The following CACTIN variants were observed in gnomAD, a reference collection of about 807,000 sequenced individuals.
CACTIN encodes the protein cactin, spliceosome C complex subunit.
In CACTIN, 20 loss-of-function variants were observed where a neutral mutation model predicts 84.9. The ratio of observed to expected loss-of-function variants is 0.24; its 90% CI spans 0.17 to 0.34. The LOEUF (loss-of-function observed/expected upper bound fraction) is 0.34, where lower values mean the gene tolerates loss of function less well. Ranked by LOEUF, CACTIN falls within the 10% of genes least tolerant of loss-of-function variation. The pLI is 1.00. For synonymous variants in CACTIN, 549 were observed against 467.9 expected, an observed-to-expected ratio of 1.17 and a Z score of -2.24; for missense variants, 897 against 1,117.2, an observed-to-expected ratio of 0.80 and a Z score of 2.81.
chr19:3,620,138 C>T lies in CACTIN; in HGVS notation c.873G>A (p.Gln291=), dbSNP rs1436340677. Residue 291 remains glutamine (Q), a synonymous_variant, in exon 4 of 10, where the codon CAG becomes CAA. Transcript: ENST00000429344. ...EEQEDNFHLQ[Q]AKLRSKIRIR... ...AGGCCCCAGCGCACCGCAGCTTGGC[C>T]TGCTGGAGGTGGAAGTTGTCCTCCT... 6 of 1,611,228 alleles carry T rather than the reference C, an allele frequency of 3.7e-6. No homozygotes were observed. Among genetic ancestry groups the T allele is most frequent in the East Asian group, 2.2e-5 (1 of 44,888 alleles).
chr19:3,620,557 TG>T, intron 3 of CACTIN, 149 bp downstream of exon 3: 2 of 670,830 alleles, frequency 3.0e-6, no homozygotes, highest in Non-Finnish European at 5.0e-6. Context: ...AACAGTTTCC[TG>T]GGGCCATGGT....
At chr19:3,619,351 C>T (rs138970004) in intron 4 of CACTIN, 109 bp from the exon 5 acceptor site, 16 of 1,331,638 alleles carry the variant, frequency 1.2e-5, no homozygotes, top group East Asian at 9.8e-5. Flanking sequence ...GGGCCTGACC[C>T]GTTGGGGGTG....
intron 6 of CACTIN, among the ~76,000 whole-genome samples, chr19:3,617,160 T>TC (rs1198288077): frequency 6.6e-6 from 1 of 152,080 alleles, no homozygotes; most frequent in Non-Finnish European, 1.5e-5. Context: ...GCGCCTGTAG[T>TC]CCCAGCTTCT....
In CACTIN at chr19:3,615,060, G is replaced by A. The variant is rs2033073490; in HGVS notation, c.1163-471C>T. 2 of 206,222 alleles carry A rather than the reference G, an allele frequency of 9.7e-6. No individual in the cohort carries two copies. The highest frequency in any genetic ancestry group is 8.6e-5 in the South Asian group (1 of 11,644). 12.8% of individuals were successfully genotyped at this position (206,222 alleles called of 1,614,324 possible). ...GCCAGCCTGGGCTGTGTGACTGTGGGCAAGTGGCCTGCCCTTTCTGGGCCT... is the reference window on the plus strand; with the variant it reads ...GCCAGCCTGGGCTGTGTGACTGTGGACAAGTGGCCTGCCCTTTCTGGGCCT... On this transcript the variant is annotated intron_variant, in intron 6 of 9. Coordinates refer to ENST00000429344, the MANE Select transcript of CACTIN (RefSeq NM_001080543.2). This position sits in a 1 kb window ranked among gnomAD's most constrained non-coding sequence, Gnocchi z 5.2.
At chr19:3,619,339 A>T in intron 4 of CACTIN, 97 bp from the exon 5 acceptor site, 1 of 1,439,712 alleles carries the variant, frequency 6.9e-7, no homozygotes. Context: ...GGAGCCGAGG[A>T]GGGGCCTGAC....
chr19:3,614,193 T>C (rs2033051686), intron 7 of CACTIN, among the ~76,000 whole-genome samples: 1 of 152,064 alleles, frequency 6.6e-6, no homozygotes, highest in South Asian at 2.1e-4. Context: ...TCCTGGGGCC[T>C]TCCCGCTAGG....
chr19:3,619,417 G>C (rs77831925), intron 4 of CACTIN, among the ~76,000 whole-genome samples, 175 bp from the exon 5 acceptor site: 1 of 152,334 alleles, frequency 6.6e-6, no homozygotes, highest in East Asian at 1.9e-4. Context: ...AGAGTGAGCC[G>C]GGTCAGCCAA....
intron 4 of CACTIN, 52 bp from the exon 5 acceptor site, chr19:3,619,294 C>A: frequency 6.3e-7 from 1 of 1,581,016 alleles, no homozygotes; most frequent in Non-Finnish European, 8.6e-7. Flanking sequence ...GCCCTCCATG[C>A]TAAAGACCCT....
rs543539872 is a variant in CACTIN at position 3,613,444 on chromosome 19, G to A, written c.1478+20C>T. On this transcript the variant is annotated intron_variant, in intron 8 of 9. Transcript: ENST00000429344. Reference sequence around the variant, plus strand: ...GCTCCGCGTCTGCATCGGCGTCCCCGGGGTGCCGGCCGGGCCTACCTGCGG... The same window carrying A: ...GCTCCGCGTCTGCATCGGCGTCCCCAGGGTGCCGGCCGGGCCTACCTGCGG... The A allele has an allele frequency of 1.0e-4, 164 of 1,562,788 alleles. No individual in the cohort carries two copies. In the South Asian group the frequency reaches 1.8e-3, roughly 17 times the overall value.
In CACTIN at chr19:3,614,561, G is replaced by A. The variant is rs752536273; in HGVS notation, c.1191C>T (p.Ser397=). Residue 397 remains serine (S), a synonymous_variant, in exon 7 of 10, where the codon TCC becomes TCT. Transcript: ENST00000429344. ...PGERREGVNA[S]VSSDVQSVFK... ...ACACCGACTGCACATCAGAGCTGACGGAGGCGTTGACCCCCTCGCGGCGCT... is the reference window on the plus strand; with the variant it reads ...ACACCGACTGCACATCAGAGCTGACAGAGGCGTTGACCCCCTCGCGGCGCT... 2.4e-5 allele frequency: 38 copies of A among 1,607,282 alleles called. No homozygotes were observed. The highest frequency in any genetic ancestry group is 1.1e-4 in the East Asian group (5 of 44,600).
intron 2 of CACTIN, among the ~76,000 whole-genome samples, chr19:3,622,104 A>G (rs1426813496): frequency 6.6e-6 from 1 of 152,082 alleles, no homozygotes; most frequent in Non-Finnish European, 1.5e-5. Flanking sequence ...GGTGGCTGAC[A>G]CCTGTAATCC....
rs779261717 is a variant in CACTIN, at chr19:3,613,182, G to A, written c.1662C>T (p.Tyr554=). The change falls in exon 9 of 10, where the codon TAC becomes TAT. Residue 554 remains tyrosine, a synonymous_variant. Coordinates refer to ENST00000429344, the MANE Select transcript of CACTIN (RefSeq NM_001080543.2). The stretch of plus-strand genomic sequence containing the variant: ...GCCGCGGGCTGTACCTGCCGGCGTC[G>A]TAGTCGTCCAGGCTCTGCTGGATCA... ...EDLIQQSLDD[Y]DAGRYSPRLL... The A allele has an allele frequency of 9.9e-6, 16 of 1,611,228 alleles. No homozygotes were observed. The highest frequency in any genetic ancestry group is 1.3e-5 in the Non-Finnish European group (15 of 1,179,382).
At chr19:3,624,826 G>A (rs562753025) in intron 1 of CACTIN, among the ~76,000 whole-genome samples, 2 of 152,200 alleles carry the variant, frequency 1.3e-5, no homozygotes, top group East Asian at 3.9e-4. Context: ...CCTCAGGGGT[G>A]GTTCAGGGGC....
At chr19:3,621,179 G>A (rs73920182) in intron 2 of CACTIN, among the ~76,000 whole-genome samples, 4,748 of 152,282 alleles carry the variant, frequency 0.031, 139 homozygotes, top group African/African-American at 0.078. Context: ...TGAGTGCTTC[G>A]GACGTGAAGG....
At chr19:3,620,409 G>A in intron 3 of CACTIN, 137 bp from the exon 4 acceptor site, 1 of 1,031,204 alleles carries the variant, frequency 9.7e-7, no homozygotes, top group Non-Finnish European at 1.5e-6. Context: ...GCCTGGGCTG[G>A]TGGACAGACC....
Position 3,614,579 on chromosome 19 carries a change from G to T in CACTIN, c.1173C>A (p.Arg391=), listed in dbSNP as rs756079941. 1 of 1,602,140 alleles carries T rather than the reference G, an allele frequency of 6.2e-7. No homozygotes were observed. Residue 391 remains arginine, a synonymous_variant, in exon 7 of 10, where the codon CGC becomes CGA. Transcript: ENST00000429344. The stretch of plus-strand genomic sequence containing the variant: ...AGCTGACGGAGGCGTTGACCCCCTC[G>T]CGGCGCTCACCTGCAGCGGGGTGGG... ...EASGKGPGER[R]EGVNASVSSD...
intron 1 of CACTIN, 45 bp downstream of exon 1, chr19:3,626,551 G>C: frequency 7.4e-7 from 1 of 1,342,370 alleles, no homozygotes; most frequent in Non-Finnish European, 9.6e-7. Flanking sequence ...GGGCGCTCCT[G>C]AGGTAGGAGC....
chr19:3,619,007 G>A lies in CACTIN; in HGVS notation c.1048-18C>T. 1 of 1,550,818 alleles carries A rather than the reference G, an allele frequency of 6.4e-7. No individual in the cohort carries two copies. Among genetic ancestry groups the A allele is most frequent in the Non-Finnish European group, 8.7e-7 (1 of 1,146,854 alleles). On this transcript the variant is annotated intron_variant, in intron 5 of 9. Coordinates refer to ENST00000429344, the MANE Select transcript of CACTIN (RefSeq NM_001080543.2). ...ATGTAGACCTGGGGGCAGGGGGCAGGGGTCAGGACACGGGTGTGGCTGGGG... is the reference window on the plus strand; with the variant it reads ...ATGTAGACCTGGGGGCAGGGGGCAGAGGTCAGGACACGGGTGTGGCTGGGG...
At chr19:3,614,854 G>A (rs1008635170) in intron 6 of CACTIN, 2 of 531,942 alleles carry the variant, frequency 3.8e-6, no homozygotes, top group African/African-American at 3.8e-5. Context: ...CCAGCGTGGG[G>A]GAGGCCAGGA....
Sources: allele counts gnomAD v4.1 joint callset (sites outside exome capture counted in the v4.1 genomes callset), GRCh38; gene constraint gnomAD v4.1.1; non-coding constraint Gnocchi (gnomAD v3.1); transcripts MANE v1.5; gene names NCBI Gene and HGNC (gene_info 2026-07-23, HGNC 2026-07-21).